Variants in TCF20 observed in about 807,000 individuals in gnomAD.
TCF20 encodes the protein transcription factor 20, also known as SPRE-binding protein.
Under a neutral mutation model 148.6 loss-of-function variants are expected in TCF20, and 3 were observed. That is an observed-to-expected ratio of 0.02 (90% CI 0.01 to 0.05). The LOEUF is 0.05. Ranked by LOEUF, TCF20 falls within the 10% of genes least tolerant of loss-of-function variation. The probability of loss-of-function intolerance (pLI) is 1.00; values close to 1 mark genes in which losing one functional copy is unlikely to be tolerated. For missense variants in TCF20, 2,350 were observed against 2,429.3 expected (o/e 0.97, Z 0.69); for synonymous variants, 1,049 against 909.5 (o/e 1.15, Z -2.76).
rs143617359 is a variant in TCF20 at position 42,209,872 on chromosome 22, C to T, written c.5434G>A (p.Ala1812Thr). 6.3e-5 allele frequency: 101 copies of T among 1,614,196 alleles called. No individual in the cohort carries two copies. The African/African-American group carries it at 1.2e-3, about 19-fold the overall frequency. Residue 1812 changes from alanine to threonine, a missense_variant, in exon 2 of 6, where the codon GCC becomes ACC. Ala to Thr is a moderately conservative substitution (Grantham distance 58). Around this residue, in one of 7 missense-constraint regions of TCF20, gnomAD observed 374 missense variants for 398.3 expected, o/e 0.94. Transcript: ENST00000677622. ...GTCTTTTCACTGCTGCCCTCAGTGG[C>T]TGCTTTTTTACAAGGGAGCCCCCTG... is the stretch of plus-strand genomic sequence containing the variant. Reference protein sequence around the residue: ...LSRGLPCKKAATEGSSEKTVL... With the variant: ...LSRGLPCKKATTEGSSEKTVL...
chr22:42,268,366 T>C (rs373814723), intron 1 of TCF20, among the ~76,000 whole-genome samples: 1 of 152,296 alleles, frequency 6.6e-6, no homozygotes, highest in African/African-American at 2.4e-5. Context: ...GTGAAACTAA[T>C]TGCGGTTCTT....
intron 5 of TCF20, among the ~76,000 whole-genome samples, chr22:42,164,652 G>A (rs1350739977): frequency 6.6e-6 from 1 of 152,220 alleles, no homozygotes; most frequent in Admixed American, 6.5e-5. Flanking sequence ...CAGTCTAGTG[G>A]AGAGACAGGT....
At chr22:42,320,110 C>A (rs544419432) in intron 1 of TCF20, among the ~76,000 whole-genome samples, 1 of 152,192 alleles carries the variant, frequency 6.6e-6, no homozygotes, top group African/African-American at 2.4e-5. Flanking sequence ...GACTGGCCCC[C>A]CTGACCTCTC....
intron 1 of TCF20, among the ~76,000 whole-genome samples, chr22:42,306,678 G>A (rs1927440277): frequency 6.6e-6 from 1 of 152,298 alleles, no homozygotes; most frequent in African/African-American, 2.4e-5. Flanking sequence ...ATGCCACTGG[G>A]ATGGAGCTGC....
At chr22:42,314,600 A>G (rs11090083) in intron 1 of TCF20, among the ~76,000 whole-genome samples, 86,974 of 152,042 alleles carry the variant, frequency 0.57, 25,829 homozygotes, top group African/African-American at 0.73. Context: ...CAGGAGGCCC[A>G]AGCCAAGGGC....
chr22:42,277,406 G>A (rs1460733720), intron 1 of TCF20, among the ~76,000 whole-genome samples: 1 of 152,226 alleles, frequency 6.6e-6, no homozygotes, highest in East Asian at 1.9e-4. Flanking sequence ...GTAAGAAAGT[G>A]TGGCAGGAGC....
Position 42,179,597 on chromosome 22 carries a change from G to GTCTC in TCF20, c.5749+8_5749+11dup. 6.2e-7 allele frequency: 1 copy of GTCTC among 1,602,838 alleles called. No homozygotes were observed. Among genetic ancestry groups the GTCTC allele is most frequent in the East Asian group, 2.2e-5 (1 of 44,808 alleles). ...TGGATGCTCTGGACAAGGGTCTGTG[G>GTCTC]TCTCCTCTTACCTGCATCAATGGCA... On this transcript the variant is annotated intron_variant, in intron 3 of 5. Coordinates refer to ENST00000677622, the MANE Select transcript of TCF20 (RefSeq NM_001378418.1).
chr22:42,257,443 T>A (rs1232444901), intron 1 of TCF20, among the ~76,000 whole-genome samples: 1 of 152,244 alleles, frequency 6.6e-6, no homozygotes, highest in Non-Finnish European at 1.5e-5. Flanking sequence ...GGTGATCACC[T>A]AAGAATATAC....
At chr22:42,283,351 G>A (rs1195614858) in intron 1 of TCF20, among the ~76,000 whole-genome samples, 1 of 151,900 alleles carries the variant, frequency 6.6e-6, no homozygotes, top group African/African-American at 2.4e-5. Flanking sequence ...CCTCACACCC[G>A]GGCTGGCTGC....
At position 42,215,115 on chromosome 22, in the gene TCF20, GCTGCTGCTCCTC is replaced by G. The variant is rs1569154949; in HGVS notation, c.179_190del (p.Arg60_Ala64delinsPro). On this transcript the variant is annotated inframe_deletion, in exon 2 of 6. Transcript: ENST00000677622. ...CTCGCTAGCCATCGCTGCCGCAGCA[GCTGCTGCTCCTC>G]GTCGTCCACCACCACTGCCACTGCC... 1 of 1,614,190 alleles carries G rather than the reference GCTGCTGCTCCTC, an allele frequency of 6.2e-7. No individual in the cohort carries two copies. Among genetic ancestry groups the G allele is most frequent in the Non-Finnish European group, 8.5e-7 (1 of 1,180,028 alleles).
At chr22:42,246,523 A>G (rs1382032663) in intron 1 of TCF20, among the ~76,000 whole-genome samples, 1 of 152,174 alleles carries the variant, frequency 6.6e-6, no homozygotes, top group African/African-American at 2.4e-5. Context: ...ACTAAATACC[A>G]TTGTTTGCCT....
rs1935381824 is a variant in TCF20 at position 42,160,626 on chromosome 22, CAAAAAGA to C, written c.*770_*776del. ...CTCAGGCATCTGCCAATTTCACCCCCAAAAAGAAAAAATTAAAAAAAAAAAACCATAA... is the reference window on the plus strand; with the variant it reads ...CTCAGGCATCTGCCAATTTCACCCCCAAAAATTAAAAAAAAAAAACCATAA... On this transcript the variant is annotated 3_prime_UTR_variant, in exon 6 of 6. Transcript: ENST00000677622. The C allele has an allele frequency of 1.4e-5, 2 of 146,640 alleles. No homozygotes were observed. The highest frequency in any genetic ancestry group is 4.2e-4 in the South Asian group (2 of 4,712). The allele number at this position is 146,640 out of a possible 1,614,324, so 9.1% of individuals were successfully genotyped here.
At chr22:42,252,727 C>T (rs554235530) in intron 1 of TCF20, among the ~76,000 whole-genome samples, 127 of 152,318 alleles carry the variant, frequency 8.3e-4, no homozygotes, top group Non-Finnish European at 1.5e-3. Flanking sequence ...GTTGGGATTA[C>T]AGGTGTGAGC....
At chr22:42,325,780 G>A (rs1217134944) in intron 1 of TCF20, among the ~76,000 whole-genome samples, 2 of 152,224 alleles carry the variant, frequency 1.3e-5, no homozygotes, top group Non-Finnish European at 2.9e-5. Context: ...GCAAGGCACT[G>A]CATTTCCGAG....
intron 1 of TCF20, among the ~76,000 whole-genome samples, chr22:42,340,984 G>A (rs752121040): frequency 2.7e-4 from 40 of 150,654 alleles, no homozygotes; most frequent in Admixed American, 6.0e-4. Context: ...GGCAGTGTCA[G>A]CCTGGGAGCC....
chr22:42,205,610 T>G (rs916772604), intron 2 of TCF20, among the ~76,000 whole-genome samples: 1 of 152,172 alleles, frequency 6.6e-6, no homozygotes, highest in Non-Finnish European at 1.5e-5. Context: ...CCTGGACAAT[T>G]GAAACATCAT....
At chr22:42,193,656 A>T (rs896425153) in intron 2 of TCF20, among the ~76,000 whole-genome samples, 1 of 152,184 alleles carries the variant, frequency 6.6e-6, no homozygotes, top group African/African-American at 2.4e-5. Context: ...TTGTTAGGAC[A>T]GATTTCATTT....
intron 1 of TCF20, among the ~76,000 whole-genome samples, chr22:42,254,643 C>T (rs1458351588): frequency 2.0e-5 from 3 of 152,208 alleles, no homozygotes; most frequent in East Asian, 1.9e-4. Flanking sequence ...CCTCAGAGGG[C>T]GTCCAGCCCT....
intron 1 of TCF20, among the ~76,000 whole-genome samples, chr22:42,310,344 A>G (rs901102430): frequency 6.6e-6 from 1 of 151,508 alleles, no homozygotes; most frequent in Non-Finnish European, 1.5e-5. Flanking sequence ...CAAGATGGAC[A>G]GTCCCTGGGG....
Sources: gnomAD v4.1 joint callset for allele counts (sites outside exome capture counted in the v4.1 genomes callset) on GRCh38, gnomAD v4.1.1 for gene constraint, gnomAD v4.1.1 regional missense constraint, MANE v1.5 for transcripts, NCBI Gene and HGNC (gene_info 2026-07-23, HGNC 2026-07-21) for gene names.